TENM3: variants seen among roughly 807,000 people sequenced by gnomAD.
The protein encoded by TENM3 is teneurin-3.
TENM3 carries 63 observed loss-of-function variants against 255.1 expected under a neutral mutation model. That is an observed-to-expected ratio of 0.25 (90% CI 0.20 to 0.30). The LOEUF (loss-of-function observed/expected upper bound fraction) is 0.30. TENM3 is among the 10% of genes least tolerant of loss of function. The probability of loss-of-function intolerance (pLI) is 1.00; values close to 1 mark genes in which losing one functional copy is unlikely to be tolerated. For missense variants in TENM3, 2,929 were observed against 3,461.1 expected (o/e 0.85, Z 3.86); for synonymous variants, 1,306 against 1,322.3 (o/e 0.99, Z 0.27).
the TENM3 span, among the ~76,000 whole-genome samples, chr4:181,573,283 T>C: frequency 6.6e-6 from 1 of 152,318 alleles, no homozygotes; most frequent in Admixed American, 6.5e-5. Context: ...GATCATATGG[T>C]AGTTCTATTT....
intron 3 of TENM3, among the ~76,000 whole-genome samples, chr4:182,528,955 A>G (rs1739501831): frequency 6.6e-6 from 1 of 152,256 alleles, no homozygotes; most frequent in African/African-American, 2.4e-5. Flanking sequence ...GTAGAAGTTC[A>G]GAGTTCGTAT....
the TENM3 span, among the ~76,000 whole-genome samples, chr4:181,691,941 T>A: frequency 1.2e-4 from 18 of 152,314 alleles, no homozygotes; most frequent in Non-Finnish European, 1.8e-4. Context: ...GTCTTTTTCA[T>A]TGTTTTCAAC....
At chr4:181,963,848 G>A in the TENM3 span, among the ~76,000 whole-genome samples, 8 of 152,104 alleles carry the variant, frequency 5.3e-5, no homozygotes, top group Admixed American at 3.3e-4. Flanking sequence ...AAAGAGTCCC[G>A]TGTGTTGTAA....
the TENM3 span, among the ~76,000 whole-genome samples, chr4:181,650,088 T>G: frequency 6.6e-6 from 1 of 152,264 alleles, no homozygotes. Flanking sequence ...TCTGAGAAGG[T>G]TTGATAGTAG....
At chr4:182,298,161 T>G (rs887563986) in intron 1 of TENM3, among the ~76,000 whole-genome samples, 6 of 152,236 alleles carry the variant, frequency 3.9e-5, no homozygotes, top group African/African-American at 1.4e-4. Flanking sequence ...ATTAATTATT[T>G]GTATTTGATT....
At chr4:182,183,551 T>C (rs1752963835) in intron 1 of TENM3, among the ~76,000 whole-genome samples, 1 of 152,200 alleles carries the variant, frequency 6.6e-6, no homozygotes, top group Non-Finnish European at 1.5e-5. Flanking sequence ...AGGAATGAAT[T>C]GGGGAAGGAT....
the TENM3 span, among the ~76,000 whole-genome samples, chr4:181,703,874 G>T: frequency 2.0e-5 from 3 of 151,884 alleles, no homozygotes; most frequent in Non-Finnish European, 4.4e-5. Context: ...ATTAAATTGC[G>T]TTTCAACCTT....
At chr4:181,569,272 C>A in the TENM3 span, among the ~76,000 whole-genome samples, 8 of 152,174 alleles carry the variant, frequency 5.3e-5, 1 homozygote, top group Admixed American at 4.6e-4. Flanking sequence ...CTATAGTTCA[C>A]CACGTCCTTG....
chr4:181,919,766 G>A, the TENM3 span, among the ~76,000 whole-genome samples: 1 of 151,152 alleles, frequency 6.6e-6, no homozygotes, highest in Non-Finnish European at 1.5e-5. Flanking sequence ...TAGTTTTAGG[G>A]TACATGTGCA....
intron 4 of TENM3, among the ~76,000 whole-genome samples, chr4:182,604,210 C>T (rs1560990502): frequency 6.6e-6 from 1 of 152,126 alleles, no homozygotes. Flanking sequence ...TGTACATTCC[C>T]ACTCAGTGAA....
the TENM3 span, among the ~76,000 whole-genome samples, chr4:181,826,120 T>G: frequency 6.6e-6 from 1 of 152,204 alleles, no homozygotes; most frequent in East Asian, 1.9e-4. Context: ...TAAATAACTA[T>G]AAAAGCATTC....
the TENM3 span, among the ~76,000 whole-genome samples, chr4:181,879,014 T>A: frequency 1.3e-5 from 2 of 152,174 alleles, no homozygotes; most frequent in East Asian, 1.9e-4. Context: ...CAGTTACAGA[T>A]CAACTCCTTA....
the TENM3 span, among the ~76,000 whole-genome samples, chr4:182,060,015 G>A: frequency 6.6e-6 from 1 of 152,060 alleles, no homozygotes; most frequent in Non-Finnish European, 1.5e-5. Flanking sequence ...GGTCAAGGTG[G>A]GAGGATTGTT....
At chr4:181,788,295 A>C in the TENM3 span, among the ~76,000 whole-genome samples, 1 of 152,128 alleles carries the variant, frequency 6.6e-6, no homozygotes, top group African/African-American at 2.4e-5. Flanking sequence ...AGTACCTAGC[A>C]CTGTGCTGGG....
chr4:182,293,863 C>A (rs994180384), intron 1 of TENM3, among the ~76,000 whole-genome samples: 10 of 152,136 alleles, frequency 6.6e-5, no homozygotes, highest in African/African-American at 2.4e-4. Flanking sequence ...AACTAATTCG[C>A]ACTGAGGTAT....
intron 19 of TENM3, among the ~76,000 whole-genome samples, chr4:182,751,294 C>T (rs1762354845): frequency 6.6e-6 from 1 of 151,906 alleles, no homozygotes; most frequent in African/African-American, 2.4e-5. Context: ...AAGACAGATA[C>T]AGTGGTACAT....
intron 3 of TENM3, among the ~76,000 whole-genome samples, chr4:182,399,770 T>C (rs1208051383): frequency 2.0e-5 from 3 of 152,232 alleles, no homozygotes; most frequent in Admixed American, 2.0e-4. Context: ...TGCAGTTTTA[T>C]ATACAGCATG....
At chr4:181,673,038 C>A in the TENM3 span, among the ~76,000 whole-genome samples, 2 of 152,138 alleles carry the variant, frequency 1.3e-5, no homozygotes, top group Non-Finnish European at 2.9e-5. Context: ...GACATCAAAA[C>A]TCAACAAAAT....
chr4:182,324,142 A>G lies in TENM3; in HGVS notation c.122A>G (p.Tyr41Cys). ...TGCCGGGTACCCACACAGAAGTCCT[A>G]CAGTTCCAGCGAGACATTGAAAGCT... ...EECRVPTQKS[Y>C]SSSETLKAFD... is the part of the protein sequence containing the mutation. The change falls in exon 2 of 28, where the codon TAC becomes TGC. Residue 41 changes from tyrosine to cysteine, a missense_variant. Physicochemically the swap from Tyr to Cys is radical, Grantham distance 194. Coordinates refer to ENST00000511685, the MANE Select transcript of TENM3 (RefSeq NM_001080477.4). 6.2e-7 allele frequency: 1 copy of G among 1,614,026 alleles called. No individual in the cohort carries two copies. The highest frequency in any genetic ancestry group is 8.5e-7 in the Non-Finnish European group (1 of 1,179,890).
Sources: gnomAD v4.1 joint callset for allele counts (sites outside exome capture counted in the v4.1 genomes callset) on GRCh38, gnomAD v4.1.1 for gene constraint, MANE v1.5 for transcripts, NCBI Gene and HGNC (gene_info 2026-07-23, HGNC 2026-07-21) for gene names.